The following TMEM181 variants were observed in gnomAD, a reference collection of about 807,000 sequenced individuals.
TMEM181 encodes the protein G protein-coupled receptor 178.
Under a neutral mutation model 71.9 loss-of-function variants are expected in TMEM181, and 39 were observed. The observed-to-expected ratio is 0.54, with a 90% CI of 0.42 to 0.71. The LOEUF (loss-of-function observed/expected upper bound fraction) is 0.71, where lower values mean the gene tolerates loss of function less well. TMEM181 is among the 30% of genes least tolerant of loss of function. The pLI is 0.00. For missense variants in TMEM181, 595 were observed against 583.0 expected (o/e 1.02, Z -0.21); for synonymous variants, 245 against 228.8 (o/e 1.07, Z -0.64).
At chr6:158,628,258 G>A (rs1180067192) in intron 13 of TMEM181, 150 bp from the exon 14 acceptor site, 2 of 739,502 alleles carry the variant, frequency 2.7e-6, no homozygotes, top group Admixed American at 2.0e-5. Flanking sequence ...GTGCATCTGT[G>A]CGTGCATCTG....
upstream of TMEM181, among the ~76,000 whole-genome samples, chr6:158,556,907 C>T (rs532293153): frequency 6.6e-6 from 1 of 152,266 alleles, no homozygotes; most frequent in East Asian, 1.9e-4. Context: ...GGATTACAGG[C>T]ACCTGCCACC....
chr6:158,571,958 C>T (rs1221176224), intron 1 of TMEM181, among the ~76,000 whole-genome samples: 1 of 152,206 alleles, frequency 6.6e-6, no homozygotes, highest in Admixed American at 6.5e-5. Context: ...GGCCAGGCCA[C>T]CTCCTTCCCC....
At chr6:158,587,062 C>G (rs1251094945) in intron 5 of TMEM181, among the ~76,000 whole-genome samples, 2 of 152,208 alleles carry the variant, frequency 1.3e-5, no homozygotes, top group Non-Finnish European at 2.9e-5. Context: ...ACCCACCTCT[C>G]AGATTGAGGC....
At chr6:158,542,851 C>A (rs1460360560) in intron 1 of TMEM181, among the ~76,000 whole-genome samples, 1 of 149,950 alleles carries the variant, frequency 6.7e-6, no homozygotes, top group Non-Finnish European at 1.5e-5. Flanking sequence ...AATCTGCCTG[C>A]CTCGGCCTCC....
intron 5 of TMEM181, among the ~76,000 whole-genome samples, chr6:158,588,805 C>A (rs1783933039): frequency 6.6e-6 from 1 of 152,216 alleles, no homozygotes; most frequent in Admixed American, 6.5e-5. Context: ...TCTTACCTGA[C>A]CTCAGACATT....
chr6:158,571,492 G>A (rs1209244863), intron 1 of TMEM181, among the ~76,000 whole-genome samples: 2 of 139,594 alleles, frequency 1.4e-5, no homozygotes, highest in African/African-American at 5.2e-5. Context: ...TAGAGACGGG[G>A]TTTCATCGTG....
At chr6:158,583,775 A>G (rs1013995497) in intron 3 of TMEM181, among the ~76,000 whole-genome samples, 179 bp from the exon 4 acceptor site, 1 of 152,180 alleles carries the variant, frequency 6.6e-6, no homozygotes, top group Non-Finnish European at 1.5e-5. Flanking sequence ...ACTCTAGCCT[A>G]GGCGACAGAG....
intron 7 of TMEM181, among the ~76,000 whole-genome samples, chr6:158,606,105 G>T (rs1784932959): frequency 6.6e-6 from 1 of 152,194 alleles, no homozygotes. Flanking sequence ...CATGTGAGGG[G>T]GTGCTCTGCT....
At chr6:158,570,447 C>T (rs199803988) in intron 1 of TMEM181, among the ~76,000 whole-genome samples, 87 of 151,138 alleles carry the variant, frequency 5.8e-4, no homozygotes, top group East Asian at 4.5e-3. Context: ...TTCACCGTGT[C>T]AGCCAGGATG....
chr6:158,599,678 A>C (rs1784563747), intron 6 of TMEM181, among the ~76,000 whole-genome samples: 1 of 152,210 alleles, frequency 6.6e-6, no homozygotes, highest in Non-Finnish European at 1.5e-5. Flanking sequence ...CCTGTGAGGC[A>C]CTGGCTGGGC....
At chr6:158,590,065 G>A (rs2128305363) in intron 6 of TMEM181, among the ~76,000 whole-genome samples, 1 of 152,282 alleles carries the variant, frequency 6.6e-6, no homozygotes. Flanking sequence ...AGCAGACACA[G>A]CACCCCCTTC....
At chr6:158,560,011 G>T (rs1273134856), upstream of TMEM181, 17 of 981,406 alleles carry the variant, frequency 1.7e-5, no homozygotes, top group Non-Finnish European at 1.8e-5. Context: ...GCGCGCCCGC[G>T]GCCCCGCTTC....
chr6:158,588,032 T>C (rs1318476204), intron 5 of TMEM181, among the ~76,000 whole-genome samples: 1 of 152,212 alleles, frequency 6.6e-6, no homozygotes, highest in East Asian at 1.9e-4. Context: ...AATTTAGTTT[T>C]GTCGAGAAGG....
At chr6:158,540,226 C>G (rs1392372179) in intron 1 of TMEM181, among the ~76,000 whole-genome samples, 1 of 152,170 alleles carries the variant, frequency 6.6e-6, no homozygotes, top group Non-Finnish European at 1.5e-5. Flanking sequence ...TACACCCCAC[C>G]AAAATGGTAA....
chr6:158,628,380 A>G (rs1392409429), intron 13 of TMEM181, 28 bp from the exon 14 acceptor site: 1 of 1,611,826 alleles, frequency 6.2e-7, no homozygotes, highest in Non-Finnish European at 8.5e-7. Context: ...ATGTTTACAT[A>G]TTGTCTCTGC....
chr6:158,576,899 A>G (rs1454885132), intron 2 of TMEM181, among the ~76,000 whole-genome samples: 1 of 151,958 alleles, frequency 6.6e-6, no homozygotes, highest in Non-Finnish European at 1.5e-5. Flanking sequence ...CATCTCTGCT[A>G]AAAATACAAA....
chr6:158,537,915 A>C (rs1397803128), intron 1 of TMEM181, among the ~76,000 whole-genome samples: 1 of 152,146 alleles, frequency 6.6e-6, no homozygotes, highest in African/African-American at 2.4e-5. Flanking sequence ...GCTAATCAGC[A>C]ACGCAGCGGG....
chr6:158,588,971 C>T (rs1783942093), intron 5 of TMEM181, among the ~76,000 whole-genome samples: 1 of 152,174 alleles, frequency 6.6e-6, no homozygotes. Flanking sequence ...GTGTGCATGG[C>T]TGGTGGGTGC....
intron 1 of TMEM181, among the ~76,000 whole-genome samples, chr6:158,545,554 G>A (rs899159801): frequency 1.3e-5 from 2 of 152,258 alleles, no homozygotes; most frequent in African/African-American, 2.4e-5. Flanking sequence ...GGCACGTGGC[G>A]GGTGGGCGTT....
Sources: allele counts gnomAD v4.1 joint callset (sites outside exome capture counted in the v4.1 genomes callset), GRCh38; gene constraint gnomAD v4.1.1; transcripts MANE v1.5; gene names NCBI Gene and HGNC (gene_info 2026-07-23, HGNC 2026-07-21).